The following WDFY4 variants were observed in gnomAD, a reference collection of about 807,000 sequenced individuals.
WDFY4 encodes the protein WD repeat- and FYVE domain-containing protein 4.
WDFY4 carries 169 observed loss-of-function variants against 351.9 expected under a neutral mutation model. That is an observed-to-expected ratio of 0.48 (90% CI 0.42 to 0.55). The LOEUF is 0.55. Ranked by LOEUF, WDFY4 falls within the 20% of genes least tolerant of loss-of-function variation. WDFY4 has a pLI of 0.00. For missense variants in WDFY4, 3,803 were observed against 3,935.6 expected, an observed-to-expected ratio of 0.97 and a Z score of 0.90; for synonymous variants, 1,622 against 1,574.6, an observed-to-expected ratio of 1.03 and a Z score of -0.71.
chr10:48,818,101 A>G (rs544514285), intron 32 of WDFY4, among the ~76,000 whole-genome samples: 1 of 152,312 alleles, frequency 6.6e-6, no homozygotes, highest in East Asian at 1.9e-4. Flanking sequence ...GGACTAAAGA[A>G]GAAGGTCAGG....
At chr10:48,802,437 T>C (rs2067116856) in intron 24 of WDFY4, among the ~76,000 whole-genome samples, 1 of 152,140 alleles carries the variant, frequency 6.6e-6, no homozygotes, top group African/African-American at 2.4e-5. Flanking sequence ...CACCAGGAAA[T>C]GTATCAGTTA....
Position 48,820,673 on chromosome 10 carries a change from T to G in WDFY4, c.5709+236T>G, listed in dbSNP as rs2067792427. Among the ~76,000 whole-genome samples the G allele has an allele frequency of 2.0e-5, 3 of 152,086 alleles. No homozygotes were observed. In the South Asian group the frequency reaches 6.2e-4, roughly 32 times the overall value. On this transcript the variant is annotated intron_variant, in intron 33 of 61. Coordinates refer to ENST00000325239, the MANE Select transcript of WDFY4 (RefSeq NM_001394531.1). ...GGAAGTGAGTTATTGGCCAGTGGGTTGGAGGCGGTGTTCTCAGGAGAAGCA... is the reference window on the plus strand; with the variant it reads ...GGAAGTGAGTTATTGGCCAGTGGGTGGGAGGCGGTGTTCTCAGGAGAAGCA...
intron 13 of WDFY4, among the ~76,000 whole-genome samples, chr10:48,762,251 A>G (rs995690376): frequency 6.6e-6 from 1 of 152,214 alleles, no homozygotes; most frequent in Non-Finnish European, 1.5e-5. Context: ...AAGCTCTGGG[A>G]CAGCAACTGT....
At chr10:48,755,834 T>C (rs150211046) in intron 12 of WDFY4, among the ~76,000 whole-genome samples, 91 of 152,258 alleles carry the variant, frequency 6.0e-4, no homozygotes, top group African/African-American at 2.0e-3. Context: ...TTCCTTTACC[T>C]TTGGCTGTCC....
At chr10:48,836,578 A>G (rs1589722495) in intron 39 of WDFY4, among the ~76,000 whole-genome samples, 1 of 152,242 alleles carries the variant, frequency 6.6e-6, no homozygotes, top group Non-Finnish European at 1.5e-5. Flanking sequence ...TATAGAATTC[A>G]TAATTCCTCT....
At chr10:48,811,518 C>A (rs1381839778) in intron 29 of WDFY4, 21 bp from the exon 30 acceptor site, 1 of 1,549,410 alleles carries the variant, frequency 6.5e-7, no homozygotes, top group Non-Finnish European at 8.7e-7. Context: ...GACTTTTGTG[C>A]CCCCTTTGCC....
chr10:48,972,141 C>G (rs1395246689), intron 57 of WDFY4, among the ~76,000 whole-genome samples: 3 of 152,150 alleles, frequency 2.0e-5, no homozygotes, highest in Non-Finnish European at 4.4e-5. Context: ...CTCTTATTTT[C>G]TAAAAATAAA....
intron 43 of WDFY4, among the ~76,000 whole-genome samples, chr10:48,884,757 C>T (rs1373369536): frequency 6.6e-6 from 1 of 152,186 alleles, no homozygotes; most frequent in East Asian, 1.9e-4. Context: ...TAACTCCAGA[C>T]TTGGAGTCAC....
At chr10:48,801,479 T>C (rs2067086913) in intron 24 of WDFY4, 1 of 456,074 alleles carries the variant, frequency 2.2e-6, no homozygotes, top group Non-Finnish European at 4.4e-6. Flanking sequence ...ATATCCTAAG[T>C]GTGCAGGGCT....
intron 25 of WDFY4, chr10:48,804,647 C>T (rs1274176788): frequency 1.1e-6 from 1 of 913,934 alleles, no homozygotes; most frequent in Admixed American, 6.2e-5. Context: ...ACCATTTTTT[C>T]TCTTCCACTT....
intron 39 of WDFY4, among the ~76,000 whole-genome samples, chr10:48,859,513 A>T (rs1367597114): frequency 6.6e-6 from 1 of 152,188 alleles, no homozygotes; most frequent in East Asian, 1.9e-4. Context: ...ATGGTGAGTT[A>T]GATTGATTGA....
At position 48,774,754 on chromosome 10, in the gene WDFY4, A is replaced by G. The variant is rs1267921685; in HGVS notation, c.2768+82A>G. 4.8e-6 allele frequency: 7 copies of G among 1,467,244 alleles called. No homozygotes were observed. In the Admixed American group the frequency reaches 1.2e-4, roughly 25 times the overall value. 90.9% of individuals were successfully genotyped at this position (1,467,244 alleles called of 1,614,324 possible). A position where few individuals can be genotyped will look rare whatever the true frequency, so the allele number is the denominator to read the frequency against. ...GCAGGGGTTGCACAATGGGCAGTGG[A>G]GAGACTGCAGGGACAGATGGAGGGC... On this transcript the variant is annotated intron_variant, in intron 14 of 61. Coordinates refer to ENST00000325239, the MANE Select transcript of WDFY4 (RefSeq NM_001394531.1).
Position 48,811,174 on chromosome 10 carries a change from A to C in WDFY4, c.5045-365A>C, listed in dbSNP as rs187346185. On this transcript the variant is annotated intron_variant, in intron 29 of 61. Transcript: ENST00000325239. ...TCTTTAGTGCTTCACAAAATTCATAATTATTTGAGTATTTAATTGCTTAAT... is the reference window on the plus strand; with the variant it reads ...TCTTTAGTGCTTCACAAAATTCATACTTATTTGAGTATTTAATTGCTTAAT... Among the ~76,000 whole-genome samples, 52 of 152,264 alleles carry C rather than the reference A, an allele frequency of 3.4e-4. No individual in the cohort carries two copies. The East Asian group carries it at 8.1e-3, about 24-fold the overall frequency.
At chr10:48,790,493 T>C (rs1252725646) in intron 22 of WDFY4, among the ~76,000 whole-genome samples, 2 of 152,196 alleles carry the variant, frequency 1.3e-5, no homozygotes, top group Non-Finnish European at 2.9e-5. Flanking sequence ...TGAAATACTC[T>C]GGGCTGTTCA....
chr10:48,843,298 T>C (rs1470865855), intron 39 of WDFY4, among the ~76,000 whole-genome samples: 1 of 152,220 alleles, frequency 6.6e-6, no homozygotes, highest in Non-Finnish European at 1.5e-5. Flanking sequence ...ATATGCCATA[T>C]ATGAAGGCTG....
intron 39 of WDFY4, among the ~76,000 whole-genome samples, chr10:48,843,728 T>A (rs1589736122): frequency 6.6e-6 from 1 of 152,318 alleles, no homozygotes; most frequent in Middle Eastern, 3.4e-3. Context: ...GAGGTTCAGA[T>A]TTAGATATAT....
chr10:48,847,527 CCTT>C (rs563900690), intron 39 of WDFY4, among the ~76,000 whole-genome samples: 157 of 152,184 alleles, frequency 1.0e-3, no homozygotes, highest in Admixed American at 7.0e-3. Flanking sequence ...TAATCCCTAA[CCTT>C]CTTGCCCTGC....
chr10:48,858,382 T>C (rs2069215382), intron 39 of WDFY4, among the ~76,000 whole-genome samples: 1 of 152,254 alleles, frequency 6.6e-6, no homozygotes, highest in Admixed American at 6.5e-5. Flanking sequence ...CCATTTTGAA[T>C]TAAATTTTGT....
In WDFY4 at chr10:48,776,850, A is replaced by T. The variant is rs745324994; in HGVS notation, c.2964A>T (p.Glu988Asp). Reference sequence around the variant, plus strand: ...CACAGGCCCCGCAGCCCTTGGGGGAATCCCAGGATTCAACTACTGCTCTTC... The same window carrying T: ...CACAGGCCCCGCAGCCCTTGGGGGATTCCCAGGATTCAACTACTGCTCTTC... The part of the protein sequence containing the change: ...GVTQAPQPLG[E>D]SQDSTTALQT... Residue 988 changes from glutamate (E) to aspartate (D), a missense_variant, in exon 16 of 62, where the codon GAA becomes GAT. Transcript: ENST00000325239. The T allele has an allele frequency of 7.7e-6, 12 of 1,551,670 alleles. No homozygotes were observed. The highest frequency in any genetic ancestry group is 2.0e-5 in the Admixed American group (1 of 50,988).
Sources: allele counts gnomAD v4.1 joint callset (sites outside exome capture counted in the v4.1 genomes callset), GRCh38; gene constraint gnomAD v4.1.1; transcripts MANE v1.5; gene names NCBI Gene and HGNC (gene_info 2026-07-23, HGNC 2026-07-21).